The following EXOC2 variants were observed in gnomAD, a reference collection of about 807,000 sequenced individuals.
EXOC2 encodes the protein SEC5-like 1.
EXOC2 carries 70 observed loss-of-function variants against 131.8 expected under a neutral mutation model. That is an observed-to-expected ratio of 0.53 (90% CI 0.44 to 0.65). The LOEUF is 0.65. Among genes scored for constraint, EXOC2 ranks in the 30% least tolerant of loss-of-function variants. The pLI is 0.00. For synonymous variants in EXOC2, 411 were observed against 398.4 expected (o/e 1.03, Z -0.38); for missense variants, 923 against 1,108.6 (o/e 0.83, Z 2.38).
chr6:650,799 A>G (rs1762793666), intron 1 of EXOC2, among the ~76,000 whole-genome samples: 1 of 152,248 alleles, frequency 6.6e-6, no homozygotes, highest in African/African-American at 2.4e-5. Flanking sequence ...ATTATTAAGT[A>G]CATCAAGACA....
At chr6:530,995 T>C (rs975127132) in intron 23 of EXOC2, among the ~76,000 whole-genome samples, 1 of 152,230 alleles carries the variant, frequency 6.6e-6, no homozygotes, top group African/African-American at 2.4e-5. Flanking sequence ...ATAGGTTACA[T>C]GCGAATATGA....
intron 22 of EXOC2, among the ~76,000 whole-genome samples, chr6:544,424 G>C (rs1756721189): frequency 1.3e-5 from 2 of 152,182 alleles, no homozygotes; most frequent in Non-Finnish European, 2.9e-5. Flanking sequence ...ATTAGGATCA[G>C]TGTTTTGAAA....
intron 27 of EXOC2, among the ~76,000 whole-genome samples, chr6:487,598 G>A (rs567278116): frequency 1.3e-5 from 2 of 152,110 alleles, no homozygotes; most frequent in Non-Finnish European, 2.9e-5. Context: ...GTAGAGACGG[G>A]GTTTTACCAT....
intron 1 of EXOC2, among the ~76,000 whole-genome samples, chr6:642,716 C>T (rs1273341891): frequency 1.3e-5 from 2 of 151,918 alleles, no homozygotes; most frequent in Admixed American, 6.6e-5. Context: ...AAATGCAATG[C>T]AAATTCTAGA....
intron 4 of EXOC2, among the ~76,000 whole-genome samples, chr6:625,515 GTTCTT>G (rs1761514884): frequency 8.1e-6 from 1 of 123,448 alleles, no homozygotes; most frequent in African/African-American, 3.1e-5. Flanking sequence ...GTTTGTTTCC[GTTCTT>G]TTTTTTTTTT....
At chr6:654,905 T>A (rs1763001580) in intron 1 of EXOC2, among the ~76,000 whole-genome samples, 1 of 143,802 alleles carries the variant, frequency 7.0e-6, no homozygotes, top group Admixed American at 7.1e-5. Context: ...TTCTTATACA[T>A]AAGCAAAGAA....
chr6:675,594 GCAACTGCGGTTCCCC>G (rs1764078733), intron 1 of EXOC2, among the ~76,000 whole-genome samples: 1 of 40,362 alleles, frequency 2.5e-5, no homozygotes, highest in Non-Finnish European at 6.6e-5. Context: ...GCCTCCTCTG[GCAACTGCGGTTCCCC>G]ATACTCTTCA....
intron 23 of EXOC2, among the ~76,000 whole-genome samples, chr6:531,560 C>T (rs1263437538): frequency 3.3e-5 from 5 of 152,282 alleles, no homozygotes; most frequent in African/African-American, 9.6e-5. Flanking sequence ...CATCACTATA[C>T]GTGAACACTA....
intron 22 of EXOC2, among the ~76,000 whole-genome samples, chr6:539,072 GAAA>G (rs11351666): frequency 7.0e-6 from 1 of 142,264 alleles, no homozygotes; most frequent in Non-Finnish European, 1.5e-5. Context: ...TCTGTCTGAA[GAAA>G]AAAAAAAAAA....
At chr6:622,510 G>A (rs909387519) in intron 4 of EXOC2, among the ~76,000 whole-genome samples, 33 of 152,160 alleles carry the variant, frequency 2.2e-4, no homozygotes, top group African/African-American at 8.0e-4. Context: ...CTAGCGTTAA[G>A]AGCTGATGAT....
At chr6:631,517 ATG>A (rs1761856453) in intron 3 of EXOC2, among the ~76,000 whole-genome samples, 6 of 152,080 alleles carry the variant, frequency 3.9e-5, no homozygotes, top group Middle Eastern at 3.4e-3. Context: ...GCACTCCAGC[ATG>A]GGCGACAGAG....
rs2127639025 is a variant in EXOC2, at chr6:598,053, T to C, written c.1041A>G (p.Pro347=). The change falls in exon 10 of 28, where the codon CCA becomes CCG. Residue 347 remains proline, a synonymous_variant. Coordinates refer to ENST00000230449, the MANE Select transcript of EXOC2 (RefSeq NM_018303.6). The part of the protein sequence containing the change: ...ELLLDKLLET[P]STLHDQKRYI... ...AACGTTTTTGGTCATGTAAAGTTGA[T>C]GGTGTCTCAAGCAATTTATCCAGAA... 6.2e-7 allele frequency: 1 copy of C among 1,613,918 alleles called. No individual in the cohort carries two copies. Among genetic ancestry groups the C allele is most frequent in the Non-Finnish European group, 8.5e-7 (1 of 1,179,848 alleles).
At chr6:531,401 G>T (rs9378914) in intron 23 of EXOC2, among the ~76,000 whole-genome samples, 2 of 151,666 alleles carry the variant, frequency 1.3e-5, no homozygotes, top group African/African-American at 2.4e-5. Context: ...GAAAGTGTGT[G>T]CACAGAAAAG....
intron 22 of EXOC2, among the ~76,000 whole-genome samples, chr6:547,777 T>C (rs1756942566): frequency 1.3e-5 from 2 of 152,172 alleles, no homozygotes; most frequent in Admixed American, 6.5e-5. Context: ...AGCCTACCAT[T>C]TATACTGCTA....
intron 12 of EXOC2, among the ~76,000 whole-genome samples, chr6:574,083 A>G (rs759235920): frequency 3.9e-5 from 6 of 152,176 alleles, no homozygotes; most frequent in Non-Finnish European, 7.4e-5. Flanking sequence ...CCACAGTTAT[A>G]CTGCCTTTCA....
In EXOC2 at chr6:488,969, C is replaced by G. The variant is rs777611691; in HGVS notation, c.2681+10G>C. On this transcript the variant is annotated intron_variant, in intron 27 of 27. Coordinates refer to ENST00000230449, the MANE Select transcript of EXOC2 (RefSeq NM_018303.6). Reference sequence around the variant, plus strand: ...TCAACTGGCTCCTAAGAACAGCACACAGGACTTACTTTTTATCTGCTCCAC... The same window carrying G: ...TCAACTGGCTCCTAAGAACAGCACAGAGGACTTACTTTTTATCTGCTCCAC... 6.2e-7 allele frequency: 1 copy of G among 1,613,816 alleles called. No individual in the cohort carries two copies. The highest frequency in any genetic ancestry group is 2.2e-5 in the East Asian group (1 of 44,874).
chr6:583,920 C>T (rs1759059039), intron 11 of EXOC2, among the ~76,000 whole-genome samples: 1 of 152,216 alleles, frequency 6.6e-6, no homozygotes, highest in South Asian at 2.1e-4. Context: ...TCTGTGCTCG[C>T]TGCAGTTGTG....
intron 1 of EXOC2, among the ~76,000 whole-genome samples, chr6:691,572 G>A (rs940453983): frequency 6.6e-6 from 1 of 152,084 alleles, no homozygotes; most frequent in African/African-American, 2.4e-5. Flanking sequence ...TATATAATAC[G>A]TATAACATAC....
intron 23 of EXOC2, among the ~76,000 whole-genome samples, chr6:530,526 G>A (rs1162481540): frequency 2.0e-5 from 3 of 152,218 alleles, no homozygotes; most frequent in Non-Finnish European, 2.9e-5. Flanking sequence ...AGGCCAATGC[G>A]ACCTGGAGAC....
Sources: allele counts gnomAD v4.1 joint callset (sites outside exome capture counted in the v4.1 genomes callset), GRCh38; gene constraint gnomAD v4.1.1; transcripts MANE v1.5; gene names NCBI Gene and HGNC (gene_info 2026-07-23, HGNC 2026-07-21).